The following CACNA1E variants were observed in gnomAD, a reference collection of about 807,000 sequenced individuals.
CACNA1E encodes the protein calcium voltage-gated channel subunit alpha1 E, also known as voltage-dependent R-type calcium channel subunit alpha-1E.
CACNA1E carries 40 observed loss-of-function variants against 259.2 expected under a neutral mutation model. The ratio of observed to expected loss-of-function variants is 0.15; its 90% CI spans 0.12 to 0.20. The LOEUF is 0.20. Among genes scored for constraint, CACNA1E ranks in the 10% least tolerant of loss-of-function variants. The pLI, the probability that CACNA1E is intolerant of heterozygous loss-of-function variation, is 1.00. For missense variants in CACNA1E, 1,874 were observed against 3,040.1 expected (o/e 0.62, Z 9.02); for synonymous variants, 1,104 against 1,138.5 (o/e 0.97, Z 0.61).
At chr1:181,468,011 A>C (rs629760) in intron 2 of CACNA1E, among the ~76,000 whole-genome samples, 23,768 of 152,168 alleles carry the variant, frequency 0.16, 1,947 homozygotes, top group South Asian at 0.21. Flanking sequence ...AATAATGCTG[A>C]GCTTAAGACA....
At chr1:181,624,966 T>C (rs1489763330) in intron 6 of CACNA1E, among the ~76,000 whole-genome samples, 1 of 152,016 alleles carries the variant, frequency 6.6e-6, no homozygotes, top group Non-Finnish European at 1.5e-5. Context: ...TTATCAGGCA[T>C]GAAAACAACA....
chr1:181,637,709 C>A (rs1452090834), intron 6 of CACNA1E, among the ~76,000 whole-genome samples: 1 of 152,112 alleles, frequency 6.6e-6, no homozygotes, highest in Non-Finnish European at 1.5e-5. Context: ...GAACAACATA[C>A]CAGCCCACAA....
chr1:181,798,475 C>T lies in CACNA1E; in HGVS notation c.6583C>T (p.Leu2195=). Residue 2195 remains leucine (L), a synonymous_variant, in exon 48 of 48, where the codon CTG becomes TTG. Coordinates refer to ENST00000367573, the MANE Select transcript of CACNA1E (RefSeq NM_001205293.3). The surrounding 1 kb of genome is among the most constrained non-coding windows in gnomAD (Gnocchi z 4.2). ...TGATGGAAGCGAGGAGGGCTCCCCG[C>T]TGACCTCCCAAGCTCTGGAGAGCAA... The part of the protein sequence containing the change: ...PADGSEEGSP[L]TSQALESNNA... The T allele has an allele frequency of 1.9e-6, 3 of 1,613,922 alleles. No individual in the cohort carries two copies. Among genetic ancestry groups the T allele is most frequent in the Non-Finnish European group, 2.5e-6 (3 of 1,179,894 alleles).
At chr1:181,446,856 GT>G (rs112371692) in intron 2 of CACNA1E, among the ~76,000 whole-genome samples, 107 of 152,200 alleles carry the variant, frequency 7.0e-4, no homozygotes, top group African/African-American at 2.5e-3. Context: ...CAGATCCTGT[GT>G]TTGGTGTAAA....
At chr1:181,461,580 T>C (rs909341609) in intron 2 of CACNA1E, among the ~76,000 whole-genome samples, 1 of 151,874 alleles carries the variant, frequency 6.6e-6, no homozygotes, top group Admixed American at 6.6e-5. Flanking sequence ...TCAATCCATT[T>C]TATAGATGAT....
chr1:181,353,344 AC>A (rs1391798553), intron 1 of CACNA1E, among the ~76,000 whole-genome samples: 12 of 152,178 alleles, frequency 7.9e-5, no homozygotes, highest in Non-Finnish European at 1.2e-4. Context: ...ATAGGCAATC[AC>A]TACAGAGTGC....
chr1:181,536,416 T>C (rs1036707918), intron 3 of CACNA1E, among the ~76,000 whole-genome samples: 7 of 152,234 alleles, frequency 4.6e-5, no homozygotes, highest in Non-Finnish European at 7.3e-5. Flanking sequence ...ATCTACTTAA[T>C]CATTTTAAAA....
intron 1 of CACNA1E, among the ~76,000 whole-genome samples, chr1:181,386,377 T>TC (rs1441048065): frequency 6.6e-6 from 1 of 152,150 alleles, no homozygotes; most frequent in Non-Finnish European, 1.5e-5. Context: ...AGAAGCTCAA[T>TC]CAGTGTGGCT....
chr1:181,759,895 G>GA (rs1658427117), intron 32 of CACNA1E, among the ~76,000 whole-genome samples: 1 of 152,170 alleles, frequency 6.6e-6, no homozygotes, highest in Non-Finnish European at 1.5e-5. Flanking sequence ...GCGGTTCTTT[G>GA]AAAAACCATT....
rs1298612116 is a variant in CACNA1E at position 181,776,067 on chromosome 1, TC to T, written c.5140-30del. On this transcript the variant is annotated intron_variant, in intron 37 of 47. Transcript: ENST00000367573. The surrounding 1 kb of genome is among the most constrained non-coding windows in gnomAD (Gnocchi z 4.4). The stretch of plus-strand genomic sequence containing the variant: ...TGCTTCCTGAGCTCTGCTTTAGGTT[TC>T]CCCTAACCCCTCTTCTTCCCCTTGC... The T allele has an allele frequency of 2.2e-5, 35 of 1,593,036 alleles. No homozygotes were observed. Among genetic ancestry groups the T allele is most frequent in the Non-Finnish European group, 3.0e-5 (35 of 1,168,214 alleles).
At position 181,732,369 on chromosome 1, in the gene CACNA1E, C is replaced by T. The variant is rs1015163618; in HGVS notation, c.2298-15C>T. On this transcript the variant is annotated splice_polypyrimidine_tract_variant and intron_variant, in intron 19 of 47. Coordinates refer to ENST00000367573, the MANE Select transcript of CACNA1E (RefSeq NM_001205293.3). The surrounding 1 kb of genome is among the most constrained non-coding windows in gnomAD (Gnocchi z 5.5). ...TCTGGGCTCTGACCGCGGCCCTGCC[C>T]TTTCCCCTTGGCAGGAGGGAGCGGA... 4 of 1,500,884 alleles carry T rather than the reference C, an allele frequency of 2.7e-6. No homozygotes were observed. The highest frequency in any genetic ancestry group is 3.6e-6 in the Non-Finnish European group (4 of 1,124,034). The allele number at this position is 1,500,884 out of a possible 1,614,324, so 93.0% of individuals were successfully genotyped here. A position where few individuals can be genotyped will look rare whatever the true frequency, so the allele number is the denominator to read the frequency against.
At chr1:181,676,594 T>C (rs1056290788) in intron 7 of CACNA1E, among the ~76,000 whole-genome samples, 2 of 152,164 alleles carry the variant, frequency 1.3e-5, no homozygotes, top group African/African-American at 4.8e-5. Flanking sequence ...GAATGAGTGC[T>C]TAGTTCCAGC....
intron 1 of CACNA1E, among the ~76,000 whole-genome samples, chr1:181,376,286 A>G (rs539654469): frequency 2.6e-5 from 4 of 152,214 alleles, no homozygotes; most frequent in South Asian, 2.1e-4. Context: ...TTTGCCTTCA[A>G]ATAAACTCTG....
chr1:181,493,108 T>A (rs572577319), intron 1 of CACNA1E, among the ~76,000 whole-genome samples: 2 of 152,340 alleles, frequency 1.3e-5, no homozygotes, highest in African/African-American at 4.8e-5. Context: ...ATCTGGTTGA[T>A]GCTATAGACC....
At chr1:181,750,296 C>CTAAG (rs1465914310) in intron 25 of CACNA1E, among the ~76,000 whole-genome samples, 180 bp from the exon 26 acceptor site, 1 of 152,238 alleles carries the variant, frequency 6.6e-6, no homozygotes, top group African/African-American at 2.4e-5. Flanking sequence ...TGTGGACACT[C>CTAAG]TAAGTGCCAA....
chr1:181,487,329 C>T (rs1055206791), intron 1 of CACNA1E, among the ~76,000 whole-genome samples: 1 of 152,110 alleles, frequency 6.6e-6, no homozygotes, highest in African/African-American at 2.4e-5. Flanking sequence ...AGGATCACCC[C>T]GACTTGGAGG....
At chr1:181,505,906 C>T (rs1418502376) in intron 1 of CACNA1E, among the ~76,000 whole-genome samples, 5 of 152,212 alleles carry the variant, frequency 3.3e-5, no homozygotes, top group Non-Finnish European at 7.3e-5. Flanking sequence ...CGGGGCCCCA[C>T]TGTGTGCCAA....
chr1:181,717,006 G>C (rs1653958375), intron 10 of CACNA1E, 87 bp from the exon 11 acceptor site: 8 of 1,077,508 alleles, frequency 7.4e-6, no homozygotes, highest in Admixed American at 1.8e-5. Context: ...CCTGGGACTA[G>C]AGCAGCCCAT....
chr1:181,771,439 G>C, intron 36 of CACNA1E, 55 bp downstream of exon 36: 5 of 920,260 alleles, frequency 5.4e-6, no homozygotes, highest in Non-Finnish European at 8.8e-6. Context: ...GGGAGAGAGA[G>C]TTTGTCTGCC....
Sources: gnomAD v4.1 joint callset for allele counts (sites outside exome capture counted in the v4.1 genomes callset) on GRCh38, gnomAD v4.1.1 for gene constraint, Gnocchi (gnomAD v3.1) non-coding constraint, MANE v1.5 for transcripts, NCBI Gene and HGNC (gene_info 2026-07-23, HGNC 2026-07-21) for gene names.